SYT1: variants seen among roughly 807,000 people sequenced by gnomAD.
The protein encoded by SYT1 is synaptotagmin-1.
In SYT1, 8 loss-of-function variants were observed where a neutral mutation model predicts 44.8. The observed-to-expected ratio is 0.18, with a 90% CI of 0.10 to 0.32. The LOEUF (loss-of-function observed/expected upper bound fraction) is 0.32, where lower values mean the gene tolerates loss of function less well. Ranked by LOEUF, SYT1 falls within the 10% of genes least tolerant of loss-of-function variation. The probability of loss-of-function intolerance (pLI) is 1.00; values close to 1 mark genes in which losing one functional copy is unlikely to be tolerated. For synonymous variants in SYT1, 154 were observed against 188.8 expected, an observed-to-expected ratio of 0.82 and a Z score of 1.51; for missense variants, 286 against 509.3, an observed-to-expected ratio of 0.56 and a Z score of 4.22.
chr12:79,380,822 A>C (rs1884188663), intron 9 of SYT1, among the ~76,000 whole-genome samples: 1 of 152,098 alleles, frequency 6.6e-6, no homozygotes, highest in South Asian at 2.1e-4. Flanking sequence ...ACACCTATTC[A>C]TGCCTTCTTC....
At chr12:79,444,329 C>A in intron 10 of SYT1, 123 bp downstream of exon 10, 2 of 1,201,198 alleles carry the variant, frequency 1.7e-6, no homozygotes, top group Admixed American at 2.3e-5. Flanking sequence ...ATTCTTTCTC[C>A]CCATGCACAT....
chr12:79,012,004 C>T (rs1472091812), intron 2 of SYT1, among the ~76,000 whole-genome samples: 1 of 151,686 alleles, frequency 6.6e-6, no homozygotes, highest in Non-Finnish European at 1.5e-5. Flanking sequence ...TGGTGGTGTG[C>T]ACCTGTAGTC....
intron 3 of SYT1, among the ~76,000 whole-genome samples, chr12:79,123,826 C>A (rs969318101): frequency 6.6e-6 from 1 of 151,972 alleles, no homozygotes; most frequent in Non-Finnish European, 1.5e-5. Flanking sequence ...TTCTTTATTT[C>A]ATTGACCAGT....
At chr12:79,330,277 T>C (rs61928823) in intron 8 of SYT1, among the ~76,000 whole-genome samples, 19,769 of 152,224 alleles carry the variant, frequency 0.13, 2,119 homozygotes, top group African/African-American at 0.3. Flanking sequence ...GCTTAACAGA[T>C]GATGCATAAT....
chr12:78,903,687 G>C (rs556653587), intron 1 of SYT1, among the ~76,000 whole-genome samples: 1 of 151,972 alleles, frequency 6.6e-6, no homozygotes, highest in Non-Finnish European at 1.5e-5. Flanking sequence ...TTTCTTTATT[G>C]GTTAAAGAGA....
At chr12:78,978,957 T>C (rs1221304855) in intron 2 of SYT1, among the ~76,000 whole-genome samples, 3 of 152,336 alleles carry the variant, frequency 2.0e-5, no homozygotes, top group Non-Finnish European at 4.4e-5. Context: ...TACTGGATCA[T>C]AATATTTTTC....
intron 9 of SYT1, among the ~76,000 whole-genome samples, chr12:79,434,486 T>C (rs1869975721): frequency 6.6e-6 from 1 of 152,234 alleles, no homozygotes; most frequent in South Asian, 2.1e-4. Context: ...CTGCCAGTGG[T>C]AGAAACAGAA....
chr12:78,959,317 A>T (rs1179277722), intron 1 of SYT1, among the ~76,000 whole-genome samples: 2 of 152,194 alleles, frequency 1.3e-5, no homozygotes, highest in South Asian at 2.1e-4. Flanking sequence ...TTAACTAAAT[A>T]TGTATGTTCA....
intron 1 of SYT1, among the ~76,000 whole-genome samples, chr12:78,971,423 T>A (rs1236722901): frequency 1.3e-5 from 2 of 152,116 alleles, no homozygotes; most frequent in Non-Finnish European, 2.9e-5. Context: ...CACAGCATAG[T>A]CTGTGTTGAG....
rs779227264 is a variant in SYT1 at position 79,329,065 on chromosome 12, C to T, written c.811-24437C>T. Among the ~76,000 whole-genome samples the T allele has an allele frequency of 1.1e-4, 17 of 152,078 alleles. No homozygotes were observed. In the East Asian group the frequency reaches 1.7e-3, roughly 16 times the overall value. ...GGTATAACAAACCGCTACAATCATC[C>T]GCTCTTTATTGTGCTGATCCAAGCT... On this transcript the variant is annotated intron_variant, in intron 8 of 10. Transcript: ENST00000261205.
intron 2 of SYT1, among the ~76,000 whole-genome samples, chr12:78,978,945 G>A (rs545899940): frequency 6.6e-6 from 1 of 152,108 alleles, no homozygotes; most frequent in Admixed American, 6.5e-5. Flanking sequence ...ACGCTTATGC[G>A]ATACTGGATC....
intron 2 of SYT1, among the ~76,000 whole-genome samples, chr12:79,019,029 G>A (rs1323608397): frequency 6.6e-6 from 1 of 151,944 alleles, no homozygotes; most frequent in Non-Finnish European, 1.5e-5. Context: ...ATTGAAAGTA[G>A]TACATGTGTC....
intron 3 of SYT1, among the ~76,000 whole-genome samples, chr12:79,194,720 G>A (rs2138466451): frequency 6.6e-6 from 1 of 152,210 alleles, no homozygotes; most frequent in East Asian, 1.9e-4. Flanking sequence ...TGAAGGGTAT[G>A]TGTGTGTGTG....
intron 4 of SYT1, among the ~76,000 whole-genome samples, chr12:79,235,062 T>C (rs1345325133): frequency 3.3e-5 from 5 of 152,222 alleles, no homozygotes; most frequent in African/African-American, 1.2e-4. Flanking sequence ...GGCAACTCTT[T>C]AAGAGGACAT....
intron 3 of SYT1, among the ~76,000 whole-genome samples, chr12:79,063,804 C>A (rs1389890303): frequency 6.6e-6 from 1 of 152,008 alleles, no homozygotes; most frequent in Non-Finnish European, 1.5e-5. Context: ...CTCCTCTATC[C>A]CCCTTGGGAA....
At chr12:79,221,947 T>G (rs998635994) in intron 4 of SYT1, among the ~76,000 whole-genome samples, 2 of 152,164 alleles carry the variant, frequency 1.3e-5, no homozygotes, top group Non-Finnish European at 2.9e-5. Context: ...TTTTTTAACT[T>G]GAAGAACTCC....
intron 2 of SYT1, among the ~76,000 whole-genome samples, chr12:78,979,984 A>C (rs572833217): frequency 6.6e-6 from 1 of 152,118 alleles, no homozygotes; most frequent in South Asian, 2.1e-4. Context: ...GAATTACGTG[A>C]GTGTCTTACT....
At chr12:78,870,177 A>G (rs1337458839) in intron 1 of SYT1, among the ~76,000 whole-genome samples, 4 of 152,080 alleles carry the variant, frequency 2.6e-5, no homozygotes, top group Admixed American at 2.6e-4. Flanking sequence ...GCCCTGTTGG[A>G]CAACATTTCA....
intron 9 of SYT1, among the ~76,000 whole-genome samples, chr12:79,441,727 C>T (rs769852053): frequency 5.9e-5 from 9 of 152,190 alleles, no homozygotes; most frequent in South Asian, 2.1e-4. Context: ...CCTAAGTTAA[C>T]GCTTTGACCT....
Sources: gnomAD v4.1 joint callset for allele counts (sites outside exome capture counted in the v4.1 genomes callset) on GRCh38, gnomAD v4.1.1 for gene constraint, MANE v1.5 for transcripts, NCBI Gene and HGNC (gene_info 2026-07-23, HGNC 2026-07-21) for gene names.